EYS: variants seen among roughly 807,000 people sequenced by gnomAD.
EYS encodes the protein protein eyes shut homolog.
EYS carries 250 observed loss-of-function variants against 282.1 expected under a neutral mutation model. That is an observed-to-expected ratio of 0.89 (90% CI 0.80 to 0.98). The LOEUF (loss-of-function observed/expected upper bound fraction) is 0.98, where lower values mean the gene tolerates loss of function less well. Among genes scored for constraint, EYS ranks in the 50% least tolerant of loss-of-function variants. EYS has a pLI of 0.00. For missense variants in EYS, 4,016 were observed against 3,709.0 expected (o/e 1.08, Z -2.15); for synonymous variants, 1,355 against 1,282.9 (o/e 1.06, Z -1.20).
intron 12 of EYS, among the ~76,000 whole-genome samples, chr6:65,072,102 G>A (rs1436375318): frequency 6.6e-6 from 1 of 151,774 alleles, no homozygotes; most frequent in Non-Finnish European, 1.5e-5. Context: ...TTGTCTGCTT[G>A]TACAATGTGG....
chr6:64,147,382 T>TA (rs1774554741), intron 31 of EYS, among the ~76,000 whole-genome samples: 1 of 152,166 alleles, frequency 6.6e-6, no homozygotes, highest in South Asian at 2.1e-4. Flanking sequence ...TCAGATAACT[T>TA]AAAGGTAGGA....
chr6:63,893,953 T>A (rs895559561), intron 35 of EYS, among the ~76,000 whole-genome samples: 14 of 152,168 alleles, frequency 9.2e-5, no homozygotes, highest in African/African-American at 3.4e-4. Context: ...GTGAGAACTC[T>A]AATTTCCTGG....
At chr6:65,671,439 A>G (rs190863825) in intron 1 of EYS, among the ~76,000 whole-genome samples, 17 of 152,264 alleles carry the variant, frequency 1.1e-4, no homozygotes, top group Admixed American at 9.2e-4. Flanking sequence ...AGGAATAAAT[A>G]ATAATAAACT....
At chr6:63,737,295 G>A (rs1470443312) in intron 41 of EYS, among the ~76,000 whole-genome samples, 2 of 152,140 alleles carry the variant, frequency 1.3e-5, no homozygotes, top group Non-Finnish European at 2.9e-5. Context: ...TTTTTAGCAT[G>A]AAGTGTTGTT....
chr6:65,001,410 C>G (rs1184631756), intron 13 of EYS, among the ~76,000 whole-genome samples: 5 of 147,230 alleles, frequency 3.4e-5, no homozygotes, highest in African/African-American at 1.2e-4. Flanking sequence ...CCAAACTCCT[C>G]TTGGTATTCA....
intron 19 of EYS, among the ~76,000 whole-genome samples, chr6:64,873,699 C>CA (rs1009565497): frequency 2.0e-5 from 3 of 150,998 alleles, no homozygotes; most frequent in East Asian, 2.0e-4. Flanking sequence ...ATTCTCATTA[C>CA]AAAAAAAATT....
At chr6:65,448,249 C>A (rs191711898) in intron 5 of EYS, among the ~76,000 whole-genome samples, 1 of 151,934 alleles carries the variant, frequency 6.6e-6, no homozygotes, top group Non-Finnish European at 1.5e-5. Flanking sequence ...ACACACTGCA[C>A]GGCATTAAGG....
intron 1 of EYS, among the ~76,000 whole-genome samples, chr6:65,672,391 C>T (rs1768421157): frequency 6.6e-6 from 1 of 152,004 alleles, no homozygotes; most frequent in Non-Finnish European, 1.5e-5. Context: ...AAAAAGGAAA[C>T]CAGTAAAATC....
intron 15 of EYS, among the ~76,000 whole-genome samples, chr6:64,921,521 A>G (rs1246282747): frequency 6.6e-6 from 1 of 152,186 alleles, no homozygotes; most frequent in African/African-American, 2.4e-5. Context: ...GGTTATGTGG[A>G]AAGTTTATTA....
At chr6:64,321,263 T>G (rs1247863650) in intron 29 of EYS, among the ~76,000 whole-genome samples, 1 of 151,784 alleles carries the variant, frequency 6.6e-6, no homozygotes, top group Admixed American at 6.6e-5. Context: ...TGTTTAAAAT[T>G]TACTTTATTG....
rs1210011800 is a variant in EYS, at chr6:64,151,313, A to ATT, written c.6425-69312_6425-69311insAA. Reference sequence around the variant, plus strand: ...TATGTTTTCACACGTGTGTGTGTGTATATTTATATATATATATATATATAT... The same window carrying ATT: ...TATGTTTTCACACGTGTGTGTGTGTATTTATTTATATATATATATATATATAT... On this transcript the variant is annotated intron_variant, in intron 31 of 42. Coordinates refer to ENST00000503581, the MANE Select transcript of EYS (RefSeq NM_001142800.2). Among the ~76,000 whole-genome samples, 138 of 50,914 alleles carry ATT rather than the reference A, an allele frequency of 2.7e-3. 2 individuals carry two copies. Among genetic ancestry groups the ATT allele is most frequent in the African/African-American group, 0.011 (130 of 11,482 alleles). 33.4% of individuals were successfully genotyped at this position (50,914 alleles called of 152,430 possible). A position where few individuals can be genotyped will look rare whatever the true frequency, so the allele number is the denominator to read the frequency against.
At chr6:64,507,794 A>T (rs1274349282) in intron 26 of EYS, among the ~76,000 whole-genome samples, 1 of 152,202 alleles carries the variant, frequency 6.6e-6, no homozygotes, top group Admixed American at 6.5e-5. Context: ...GAATTCTCTT[A>T]GGGTTTGGCT....
intron 24 of EYS, among the ~76,000 whole-genome samples, chr6:64,594,939 T>C (rs12528463): frequency 0.2 from 30,438 of 151,968 alleles, 3,798 homozygotes; most frequent in Admixed American, 0.32. Context: ...AATTCTTCCT[T>C]ACTCATTCTA....
chr6:65,235,236 C>G (rs757798293), intron 12 of EYS, among the ~76,000 whole-genome samples: 4 of 152,220 alleles, frequency 2.6e-5, no homozygotes, highest in African/African-American at 7.2e-5. Flanking sequence ...AATAGTATAA[C>G]TGATTTACTT....
At chr6:65,651,682 C>T (rs1767656223) in intron 1 of EYS, among the ~76,000 whole-genome samples, 1 of 151,970 alleles carries the variant, frequency 6.6e-6, no homozygotes, top group South Asian at 2.1e-4. Context: ...TTTATTTCTT[C>T]TCTTATCTCA....
At chr6:65,448,112 A>G (rs977056016) in intron 5 of EYS, among the ~76,000 whole-genome samples, 1 of 151,990 alleles carries the variant, frequency 6.6e-6, no homozygotes, top group African/African-American at 2.4e-5. Flanking sequence ...GTTAAACATC[A>G]CTTGCCCTAT....
chr6:64,443,993 A>G (rs2150470577), intron 26 of EYS, among the ~76,000 whole-genome samples: 1 of 152,326 alleles, frequency 6.6e-6, no homozygotes, highest in African/African-American at 2.4e-5. Flanking sequence ...CTATTATTAC[A>G]GTGTTTTAAG....
At chr6:65,467,175 C>A (rs1456908980) in intron 5 of EYS, among the ~76,000 whole-genome samples, 2 of 152,080 alleles carry the variant, frequency 1.3e-5, no homozygotes, top group African/African-American at 2.4e-5. Flanking sequence ...TTTGAGCTAA[C>A]AGATATCAGT....
chr6:64,529,498 A>C (rs1314264125), intron 26 of EYS, among the ~76,000 whole-genome samples: 1 of 152,052 alleles, frequency 6.6e-6, no homozygotes, highest in Admixed American at 6.6e-5. Flanking sequence ...GAGTCCCAAG[A>C]ACATTGACAT....
Sources: gnomAD v4.1 joint callset for allele counts (sites outside exome capture counted in the v4.1 genomes callset) on GRCh38, gnomAD v4.1.1 for gene constraint, MANE v1.5 for transcripts, NCBI Gene and HGNC (gene_info 2026-07-23, HGNC 2026-07-21) for gene names.